Variants in ERCC6L2 observed in about 807,000 individuals in gnomAD.
ERCC6L2 encodes the protein ERCC excision repair 6 like 2.
In ERCC6L2, 77 loss-of-function variants were observed where a neutral mutation model predicts 132.0. That is an observed-to-expected ratio of 0.58 (90% CI 0.49 to 0.71). The LOEUF (loss-of-function observed/expected upper bound fraction) is 0.71, where lower values mean the gene tolerates loss of function less well. Among genes scored for constraint, ERCC6L2 ranks in the 30% least tolerant of loss-of-function variants. The pLI is 0.00. For synonymous variants in ERCC6L2, 583 were observed against 632.4 expected (o/e 0.92, Z 1.17); for missense variants, 1,542 against 1,837.6 (o/e 0.84, Z 2.94).
intron 9 of ERCC6L2, among the ~76,000 whole-genome samples, chr9:95,924,226 G>A (rs1031409679): frequency 2.0e-5 from 3 of 151,702 alleles, no homozygotes; most frequent in Non-Finnish European, 4.4e-5. Context: ...AATACTTTTA[G>A]CAATTGATCT....
intron 18 of ERCC6L2, among the ~76,000 whole-genome samples, chr9:96,005,462 A>G (rs1261928150): frequency 6.6e-6 from 1 of 152,060 alleles, no homozygotes; most frequent in Non-Finnish European, 1.5e-5. Context: ...GGGAGGGGAC[A>G]TGGAACCACC....
intron 1 of ERCC6L2, 106 bp downstream of exon 1, chr9:95,876,190 C>T (rs1390340681): frequency 9.7e-6 from 10 of 1,031,266 alleles, no homozygotes; most frequent in African/African-American, 8.0e-5. Flanking sequence ...TGTAGATCCT[C>T]TTCAGTGACA....
At chr9:96,024,119 A>T (rs1834330703) in intron 19 of ERCC6L2, among the ~76,000 whole-genome samples, 1 of 152,178 alleles carries the variant, frequency 6.6e-6, no homozygotes, top group Admixed American at 6.5e-5. Flanking sequence ...CCACCTCTAA[A>T]AGTTGCTACT....
At chr9:95,951,407 AG>A (rs1164187036) in intron 12 of ERCC6L2, among the ~76,000 whole-genome samples, 1 of 152,148 alleles carries the variant, frequency 6.6e-6, no homozygotes, top group African/African-American at 2.4e-5. Flanking sequence ...AACTAGGAAA[AG>A]GAAAAACCCC....
At chr9:95,967,196 A>G (rs1316943117) in intron 14 of ERCC6L2, 1 of 152,230 alleles carries the variant, frequency 6.6e-6, no homozygotes, top group East Asian at 1.9e-4. Flanking sequence ...CATCCTCAGC[A>G]TACAGATGTT....
chr9:96,020,557 C>T (rs1345765196), downstream of ERCC6L2: 2 of 360,352 alleles, frequency 5.6e-6, no homozygotes, highest in Non-Finnish European at 1.1e-5. Context: ...CAGCCATATG[C>T]TGAGACATGT....
At chr9:95,896,629 G>T (rs1828480937) in intron 2 of ERCC6L2, among the ~76,000 whole-genome samples, 1 of 151,930 alleles carries the variant, frequency 6.6e-6, no homozygotes, top group Non-Finnish European at 1.5e-5. Flanking sequence ...TTGCCATGTT[G>T]CCCACGCTGG....
chr9:95,887,652 C>G (rs1827943855), intron 2 of ERCC6L2, among the ~76,000 whole-genome samples: 1 of 152,022 alleles, frequency 6.6e-6, no homozygotes, highest in Non-Finnish European at 1.5e-5. Flanking sequence ...TGAAGGCTGT[C>G]TTATTAAAAA....
At chr9:95,969,854 A>G (rs2133068389) in intron 14 of ERCC6L2, among the ~76,000 whole-genome samples, 1 of 152,196 alleles carries the variant, frequency 6.6e-6, no homozygotes, top group East Asian at 1.9e-4. Context: ...GGCATTTGTA[A>G]CTCTAGTGAT....
Position 96,014,699 on chromosome 9 carries a change from G to A in ERCC6L2, c.*1496G>A, listed in dbSNP as rs929845150. 1 of 152,194 alleles carries A rather than the reference G, an allele frequency of 6.6e-6. No individual in the cohort carries two copies. Among genetic ancestry groups the A allele is most frequent in the African/African-American group, 2.4e-5 (1 of 41,456 alleles). The allele number at this position is 152,194 out of a possible 1,614,324, so 9.4% of individuals were successfully genotyped here. ...TCATGGCCCATGGTTAAGATCCACA[G>A]TGTGAAAACGCTGTTTTAAATTATA... On this transcript the variant is annotated 3_prime_UTR_variant, in exon 19 of 19. Coordinates refer to ENST00000653738, the MANE Select transcript of ERCC6L2 (RefSeq NM_020207.7).
intron 19 of ERCC6L2, among the ~76,000 whole-genome samples, chr9:96,034,412 C>T (rs1834496141): frequency 6.6e-6 from 1 of 152,248 alleles, no homozygotes; most frequent in African/African-American, 2.4e-5. Flanking sequence ...TTGCCTAAAG[C>T]TTCCTTCTCA....
At position 96,013,336 on chromosome 9, in the gene ERCC6L2, T is replaced by C. The variant is rs1206669796; in HGVS notation, c.*133T>C. ...ATTAAATTATTGCTTTAGGATTTTT[T>C]GAAGTCTAAAGTATTGTCATGGATC... is the stretch of plus-strand genomic sequence containing the variant. On this transcript the variant is annotated 3_prime_UTR_variant, in exon 19 of 19. Coordinates refer to ENST00000653738, the MANE Select transcript of ERCC6L2 (RefSeq NM_020207.7). 1 of 778,228 alleles carries C rather than the reference T, an allele frequency of 1.3e-6. No homozygotes were observed. The highest frequency in any genetic ancestry group is 6.0e-5 in the East Asian group (1 of 16,588). The allele number at this position is 778,228 out of a possible 1,614,324, so 48.2% of individuals were successfully genotyped here.
intron 17 of ERCC6L2, among the ~76,000 whole-genome samples, chr9:95,997,581 A>G (rs1053174912): frequency 2.0e-5 from 3 of 152,258 alleles, no homozygotes; most frequent in Admixed American, 6.5e-5. Context: ...ATAGACTACA[A>G]TATAGTGTAA....
intron 4 of ERCC6L2, among the ~76,000 whole-genome samples, chr9:95,913,435 T>TCGCTTGCTTGCC (rs6151088): frequency 1.6e-4 from 24 of 151,874 alleles, no homozygotes; most frequent in African/African-American, 5.3e-4. Context: ...CTTACACCCT[T>TCGCTTGCTTGCC]CGCTTGCTTG....
intron 12 of ERCC6L2, among the ~76,000 whole-genome samples, chr9:95,942,292 A>G (rs571980772): frequency 6.6e-6 from 1 of 152,322 alleles, no homozygotes; most frequent in South Asian, 2.1e-4. Flanking sequence ...CCTAGTCGTC[A>G]TTTTAATTAT....
chr9:96,001,669 G>A (rs989889324), intron 17 of ERCC6L2, among the ~76,000 whole-genome samples: 5 of 152,358 alleles, frequency 3.3e-5, no homozygotes, highest in South Asian at 4.1e-4. Context: ...AGTGGATCCC[G>A]CACCGGGGCT....
intron 11 of ERCC6L2, among the ~76,000 whole-genome samples, chr9:95,930,882 C>T (rs1830305713): frequency 6.6e-6 from 1 of 152,092 alleles, no homozygotes; most frequent in Non-Finnish European, 1.5e-5. Context: ...CTTTTGTCAC[C>T]TATACATATT....
intron 16 of ERCC6L2, among the ~76,000 whole-genome samples, chr9:95,977,770 A>T (rs1832728981): frequency 6.6e-6 from 1 of 151,848 alleles, no homozygotes; most frequent in Admixed American, 6.6e-5. Context: ...AAACAAATTC[A>T]TAGAGAGGAC....
intron 2 of ERCC6L2, among the ~76,000 whole-genome samples, chr9:95,886,271 CCT>C (rs1157373610): frequency 6.6e-6 from 1 of 152,036 alleles, no homozygotes; most frequent in Non-Finnish European, 1.5e-5. Flanking sequence ...CCTGCCTTGA[CCT>C]CTCAAAGTGC....
Sources: allele counts gnomAD v4.1 joint callset (sites outside exome capture counted in the v4.1 genomes callset), GRCh38; gene constraint gnomAD v4.1.1; transcripts MANE v1.5; gene names NCBI Gene and HGNC (gene_info 2026-07-23, HGNC 2026-07-21).